The following WDR70 variants were observed in gnomAD, a reference collection of about 807,000 sequenced individuals.
WDR70 encodes WD repeat domain 70.
WDR70 carries 53 observed loss-of-function variants against 88.6 expected under a neutral mutation model. That is an observed-to-expected ratio of 0.60 (90% CI 0.48 to 0.75). The LOEUF (loss-of-function observed/expected upper bound fraction) is 0.75. Among genes scored for constraint, WDR70 ranks in the 30% least tolerant of loss-of-function variants. The probability of loss-of-function intolerance (pLI) is 0.00; values close to 1 mark genes in which losing one functional copy is unlikely to be tolerated. For missense variants in WDR70, 610 were observed against 823.2 expected, an observed-to-expected ratio of 0.74 and a Z score of 3.17; for synonymous variants, 280 against 270.0, an observed-to-expected ratio of 1.04 and a Z score of -0.36.
intron 9 of WDR70, among the ~76,000 whole-genome samples, chr5:37,558,984 A>T (rs1241432269): frequency 1.4e-5 from 2 of 145,792 alleles, no homozygotes; most frequent in Admixed American, 7.0e-5. Flanking sequence ...TGGGCTGGAG[A>T]GTGTGGTGGT....
chr5:37,645,444 TC>T (rs1429542619), intron 10 of WDR70, among the ~76,000 whole-genome samples: 4 of 152,092 alleles, frequency 2.6e-5, no homozygotes, highest in African/African-American at 7.2e-5. Flanking sequence ...GCATATCTGT[TC>T]TGCAGCCATT....
chr5:37,468,844 T>C (rs1388306846), intron 7 of WDR70, among the ~76,000 whole-genome samples: 2 of 152,216 alleles, frequency 1.3e-5, no homozygotes, highest in Non-Finnish European at 2.9e-5. Flanking sequence ...TTACATTGGA[T>C]ATTGAGTGAT....
intron 10 of WDR70, among the ~76,000 whole-genome samples, chr5:37,678,175 C>T (rs1225346720): frequency 5.3e-5 from 8 of 152,186 alleles, no homozygotes; most frequent in Non-Finnish European, 1.2e-4. Flanking sequence ...TGGGTCTTGA[C>T]TCTTTATCCA....
intron 10 of WDR70, among the ~76,000 whole-genome samples, chr5:37,628,230 C>A (rs1744720215): frequency 6.6e-6 from 1 of 152,146 alleles, no homozygotes; most frequent in Non-Finnish European, 1.5e-5. Context: ...GCCTGTGGTG[C>A]AGTTTAAATC....
intron 4 of WDR70, among the ~76,000 whole-genome samples, chr5:37,394,751 C>G (rs1181681196): frequency 6.6e-6 from 1 of 152,136 alleles, no homozygotes; most frequent in Non-Finnish European, 1.5e-5. Flanking sequence ...GACAGAACTA[C>G]AAGTGCAAAG....
chr5:37,578,107 G>T (rs946572314), intron 9 of WDR70, among the ~76,000 whole-genome samples: 6 of 152,126 alleles, frequency 3.9e-5, no homozygotes, highest in Non-Finnish European at 7.3e-5. Flanking sequence ...CAGTCATTGT[G>T]GTCTCTCTCA....
chr5:37,425,652 T>C (rs1010604967), intron 5 of WDR70, among the ~76,000 whole-genome samples: 2 of 152,220 alleles, frequency 1.3e-5, no homozygotes, highest in African/African-American at 4.8e-5. Flanking sequence ...GCTTTTCCTT[T>C]TATGCTGTTT....
intron 17 of WDR70, among the ~76,000 whole-genome samples, chr5:37,749,436 C>A (rs1001474518): frequency 6.6e-6 from 1 of 152,030 alleles, no homozygotes; most frequent in Non-Finnish European, 1.5e-5. Context: ...ACACCAGGGC[C>A]TTTTGGACGT....
chr5:37,413,248 C>T (rs895494473), intron 5 of WDR70, among the ~76,000 whole-genome samples: 4 of 151,978 alleles, frequency 2.6e-5, no homozygotes, highest in African/African-American at 9.7e-5. Context: ...TTTCCCTTTG[C>T]CTGTCTATAG....
Position 37,399,605 on chromosome 5 carries a change from C to T in WDR70, c.492+3035C>T, listed in dbSNP as rs563910116. On this transcript the variant is annotated intron_variant, in intron 5 of 17. Transcript: ENST00000265107. ...ACAATTGAGGTATTCAAACATTTAC[C>T]GTTTTAAATTCTTTTGCCAACCATG... Among the ~76,000 whole-genome samples, 16 of 152,188 alleles carry T rather than the reference C, an allele frequency of 1.1e-4. No individual in the cohort carries two copies. In the South Asian group the frequency reaches 1.9e-3, roughly 18 times the overall value.
At chr5:37,628,021 C>T (rs1222030422) in intron 10 of WDR70, among the ~76,000 whole-genome samples, 2 of 152,158 alleles carry the variant, frequency 1.3e-5, no homozygotes, top group Non-Finnish European at 2.9e-5. Flanking sequence ...AATTCCTGGG[C>T]TCAAACGATA....
At chr5:37,467,292 C>T (rs368972046) in intron 7 of WDR70, among the ~76,000 whole-genome samples, 9 of 151,198 alleles carry the variant, frequency 6.0e-5, no homozygotes, top group Non-Finnish European at 1.2e-4. Context: ...GCTGGAAGTG[C>T]AAGATCAAAG....
Position 37,485,718 on chromosome 5 carries a change from A to G in WDR70, c.840+5731A>G, listed in dbSNP as rs927383454. On this transcript the variant is annotated intron_variant, in intron 8 of 17. Transcript: ENST00000265107. ...TTATTATTATTATTTTTGAGATAGA[A>G]TCTCACTCTGTTGCTCAGGCTGGAG... 1.3e-4 allele frequency among the ~76,000 whole-genome samples: 19 copies of G among 151,980 alleles called. No homozygotes were observed. The East Asian group carries it at 2.5e-3, about 20-fold the overall frequency.
intron 10 of WDR70, among the ~76,000 whole-genome samples, chr5:37,628,223 T>G (rs1744720015): frequency 6.6e-6 from 1 of 152,206 alleles, no homozygotes; most frequent in African/African-American, 2.4e-5. Context: ...ATTTCTGGCC[T>G]GTGGTGCAGT....
intron 10 of WDR70, among the ~76,000 whole-genome samples, chr5:37,670,054 A>T (rs755552345): frequency 1.3e-5 from 2 of 152,174 alleles, no homozygotes. Flanking sequence ...GCTCATGTGT[A>T]TGGGGTTTCC....
chr5:37,443,831 A>G (rs1370042775), intron 7 of WDR70, among the ~76,000 whole-genome samples: 1 of 150,686 alleles, frequency 6.6e-6, no homozygotes, highest in East Asian at 2.0e-4. Context: ...CAGCCCAGCA[A>G]CAGAGAGAGA....
intron 8 of WDR70, among the ~76,000 whole-genome samples, chr5:37,484,154 G>A (rs2112170023): frequency 6.6e-6 from 1 of 152,348 alleles, no homozygotes; most frequent in Non-Finnish European, 1.5e-5. Context: ...AGACGGGGTG[G>A]CAGCCGGGCA....
chr5:37,568,007 G>A (rs1445908459), intron 9 of WDR70, among the ~76,000 whole-genome samples: 1 of 152,184 alleles, frequency 6.6e-6, no homozygotes, highest in East Asian at 1.9e-4. Flanking sequence ...ACCTATTCAA[G>A]TCCAGCACAG....
At chr5:37,620,236 T>C (rs1744469990) in intron 10 of WDR70, 1 of 150,900 alleles carries the variant, frequency 6.6e-6, no homozygotes, top group South Asian at 2.1e-4. Context: ...ACTATTCTCA[T>C]TGAGTGGTGT....
Sources: allele counts gnomAD v4.1 joint callset (sites outside exome capture counted in the v4.1 genomes callset), GRCh38; gene constraint gnomAD v4.1.1; transcripts MANE v1.5; gene names NCBI Gene and HGNC (gene_info 2026-07-23, HGNC 2026-07-21).